TSHZ2: variants seen among roughly 807,000 people sequenced by gnomAD.
The protein encoded by TSHZ2 is teashirt zinc finger homeobox 2, also known as teashirt homolog 2.
TSHZ2 carries 21 observed loss-of-function variants against 74.4 expected under a neutral mutation model. That is an observed-to-expected ratio of 0.28 (90% CI 0.20 to 0.41). The LOEUF is 0.41. Among genes scored for constraint, TSHZ2 ranks in the 10% least tolerant of loss-of-function variants. The probability of loss-of-function intolerance (pLI) is 1.00; values close to 1 mark genes in which losing one functional copy is unlikely to be tolerated. For missense variants in TSHZ2, 1,244 were observed against 1,293.5 expected, an observed-to-expected ratio of 0.96 and a Z score of 0.59; for synonymous variants, 540 against 515.3, an observed-to-expected ratio of 1.05 and a Z score of -0.65.
intron 2 of TSHZ2, among the ~76,000 whole-genome samples, chr20:53,469,056 T>TATATATAC (rs1212907831): frequency 3.6e-5 from 4 of 111,040 alleles, no homozygotes; most frequent in African/African-American, 1.5e-4. Context: ...TATATATATA[T>TATATATAC]ATATATATAT....
chr20:53,192,568 A>G (rs1270752107), intron 1 of TSHZ2, among the ~76,000 whole-genome samples: 1 of 150,900 alleles, frequency 6.6e-6, no homozygotes, highest in African/African-American at 2.4e-5. Context: ...TCTGGAAAAA[A>G]AAAAAAAAAA....
intron 2 of TSHZ2, among the ~76,000 whole-genome samples, chr20:53,480,611 A>G (rs1986124851): frequency 6.6e-6 from 1 of 152,076 alleles, no homozygotes; most frequent in Non-Finnish European, 1.5e-5. Flanking sequence ...GTGCAGGATG[A>G]TGGACAACAG....
chr20:53,255,127 C>T lies in TSHZ2; in HGVS notation c.1669C>T (p.Pro557Ser), dbSNP rs770003020. Residue 557 changes from proline to serine, a missense_variant, in exon 2 of 3, where the codon CCT becomes TCT. By Grantham distance (74) the Pro-to-Ser change is moderately conservative (BLOSUM62 -1). Transcript: ENST00000371497. The surrounding 1 kb of genome is among the most constrained non-coding windows in gnomAD (Gnocchi z 4.1). ...CCAGCTGTCTGAGGGCACCAAGCCG[C>T]CTTTGCCTATGGGATCCCAGGTACT... ...AYQLSEGTKP[P>S]LPMGSQVLQI... The T allele has an allele frequency of 1.2e-6, 2 of 1,614,176 alleles. No individual in the cohort carries two copies. The highest frequency in any genetic ancestry group is 8.5e-7 in the Non-Finnish European group (1 of 1,180,030).
At chr20:53,024,750 C>T (rs942865724) in intron 1 of TSHZ2, among the ~76,000 whole-genome samples, 13 of 152,080 alleles carry the variant, frequency 8.5e-5, no homozygotes, top group South Asian at 2.1e-4. Flanking sequence ...TGCAGTGTTT[C>T]GTTTTCTGTT....
intron 1 of TSHZ2, among the ~76,000 whole-genome samples, chr20:53,018,903 T>C (rs1983135611): frequency 6.6e-6 from 1 of 152,210 alleles, no homozygotes; most frequent in African/African-American, 2.4e-5. Context: ...TTTAAAAATA[T>C]GTTAAGATTA....
At position 53,181,285 on chromosome 20, in the gene TSHZ2, G is replaced by A. The variant is rs143393767; in HGVS notation, c.41-72214G>A. Among the ~76,000 whole-genome samples the A allele has an allele frequency of 9.2e-5, 14 of 152,262 alleles. No individual in the cohort carries two copies. The East Asian group carries it at 1.7e-3, about 19-fold the overall frequency. ...TTTCCCCAACAAGACAATAGACTCCGCAGGGAAAGGACCATGTTGTTCTTT... is the reference window on the plus strand; with the variant it reads ...TTTCCCCAACAAGACAATAGACTCCACAGGGAAAGGACCATGTTGTTCTTT... On this transcript the variant is annotated intron_variant, in intron 1 of 2. Transcript: ENST00000371497.
At chr20:53,238,388 G>T (rs961073555) in intron 1 of TSHZ2, among the ~76,000 whole-genome samples, 1 of 152,146 alleles carries the variant, frequency 6.6e-6, no homozygotes, top group Admixed American at 6.5e-5. Flanking sequence ...AGAATCAAAA[G>T]ACAATCTCTC....
intron 1 of TSHZ2, among the ~76,000 whole-genome samples, chr20:53,095,372 G>C (rs906478949): frequency 1.1e-4 from 17 of 152,114 alleles, no homozygotes; most frequent in Admixed American, 5.9e-4. Context: ...CTTGTGCCAG[G>C]CTCAACCAAG....
At chr20:53,343,330 G>A (rs1018425748) in intron 2 of TSHZ2, among the ~76,000 whole-genome samples, 3 of 152,124 alleles carry the variant, frequency 2.0e-5, no homozygotes, top group African/African-American at 7.2e-5. Flanking sequence ...GCTGGACACT[G>A]ACTCCTACCT....
intron 2 of TSHZ2, among the ~76,000 whole-genome samples, chr20:53,322,647 G>T (rs1179371707): frequency 6.6e-6 from 1 of 152,170 alleles, no homozygotes; most frequent in Non-Finnish European, 1.5e-5. Flanking sequence ...CAAAGCCCCT[G>T]ACCAGTGACT....
intron 1 of TSHZ2, among the ~76,000 whole-genome samples, chr20:53,241,095 A>G (rs890785391): frequency 1.3e-5 from 2 of 152,190 alleles, no homozygotes; most frequent in Non-Finnish European, 2.9e-5. Flanking sequence ...TTTTCTCTAT[A>G]GGTAGGGACA....
rs1990390996 is a variant in TSHZ2, at chr20:53,253,838, C to A, written c.380C>A (p.Ala127Asp). 6.2e-7 allele frequency: 1 copy of A among 1,614,220 alleles called. No homozygotes were observed. The highest frequency in any genetic ancestry group is 8.5e-7 in the Non-Finnish European group (1 of 1,180,040). ...CACAATTGCATGGATAAAATGACCG[C>A]TGTCTACGCCAACATCCTGTCGGAT... ...EAHNCMDKMT[A>D]VYANILSDSY... The change falls in exon 2 of 3, where the codon GCT (alanine) becomes GAT (aspartate). Residue 127 changes from alanine (A) to aspartate (D), a missense_variant. Ala to Asp is a moderately radical substitution (Grantham distance 126). Transcript: ENST00000371497.
chr20:53,166,315 A>G (rs895575753), intron 1 of TSHZ2, among the ~76,000 whole-genome samples: 4 of 152,206 alleles, frequency 2.6e-5, no homozygotes, highest in African/African-American at 9.6e-5. Flanking sequence ...GTGCACACAG[A>G]CATTGAATAA....
intron 2 of TSHZ2, among the ~76,000 whole-genome samples, chr20:53,356,354 C>T (rs1980847743): frequency 6.6e-6 from 1 of 152,236 alleles, no homozygotes; most frequent in South Asian, 2.1e-4. Context: ...AAATCTTAAC[C>T]ACTGCCCTAC....
intron 2 of TSHZ2, among the ~76,000 whole-genome samples, chr20:53,263,796 C>A (rs1243365227): frequency 1.3e-5 from 2 of 152,170 alleles, no homozygotes; most frequent in Non-Finnish European, 2.9e-5. Context: ...ATGAGTGCCA[C>A]TTTTCCGCAT....
rs1426263424 is a variant in TSHZ2, at chr20:53,253,903, A to G, written c.445A>G (p.Asn149Asp). ...CCTGGGCCTTGGCTTCAAGCTGTCC[A>G]ATAGTGAGAGGAGGAACTGTGACAC... ...SGLGLGFKLS[N>D]SERRNCDTRN... is the part of the protein sequence containing the mutation. Residue 149 changes from asparagine to aspartate, a missense_variant, in exon 2 of 3, where the codon AAT (asparagine) becomes GAT (aspartate). Coordinates refer to ENST00000371497, the MANE Select transcript of TSHZ2 (RefSeq NM_173485.6). 2 of 1,614,224 alleles carry G rather than the reference A, an allele frequency of 1.2e-6. No homozygotes were observed. Among genetic ancestry groups the G allele is most frequent in the Admixed American group, 3.3e-5 (2 of 60,032 alleles).
intron 1 of TSHZ2, among the ~76,000 whole-genome samples, chr20:53,156,219 G>T (rs1467337685): frequency 6.6e-6 from 1 of 151,912 alleles, no homozygotes; most frequent in Non-Finnish European, 1.5e-5. Flanking sequence ...TATCAGCAAT[G>T]GGCCAAAAAA....
chr20:53,312,248 G>A (rs566517607), intron 2 of TSHZ2, among the ~76,000 whole-genome samples: 16 of 152,154 alleles, frequency 1.1e-4, no homozygotes, highest in Non-Finnish European at 1.9e-4. Flanking sequence ...GCAGGGTAGC[G>A]CAGTCACCCT....
chr20:53,080,599 G>A (rs1480670968), intron 1 of TSHZ2, among the ~76,000 whole-genome samples: 1 of 152,124 alleles, frequency 6.6e-6, no homozygotes, highest in African/African-American at 2.4e-5. Flanking sequence ...AGTCTCCTAA[G>A]GAATGTGCAA....
Sources: allele counts gnomAD v4.1 joint callset (sites outside exome capture counted in the v4.1 genomes callset), GRCh38; gene constraint gnomAD v4.1.1; non-coding constraint Gnocchi (gnomAD v3.1); transcripts MANE v1.5; gene names NCBI Gene and HGNC (gene_info 2026-07-23, HGNC 2026-07-21).